Variants in ZNF800 observed in about 807,000 individuals in gnomAD.
ZNF800 encodes the protein zinc finger protein 800.
In ZNF800, 13 loss-of-function variants were observed where a neutral mutation model predicts 59.5. The ratio of observed to expected loss-of-function variants is 0.22; its 90% confidence interval spans 0.14 to 0.35. ZNF800 has a LOEUF of 0.35. Ranked by LOEUF, ZNF800 falls within the 10% of genes least tolerant of loss-of-function variation. The probability of loss-of-function intolerance (pLI) is 1.00; values close to 1 mark genes in which losing one functional copy is unlikely to be tolerated. For synonymous variants in ZNF800, 266 were observed against 265.7 expected (o/e 1.00, Z -0.01); for missense variants, 621 against 783.7 (o/e 0.79, Z 2.48).
chr7:127,366,207 A>T (rs1800504665), downstream of ZNF800, among the ~76,000 whole-genome samples: 1 of 152,110 alleles, frequency 6.6e-6, no homozygotes, highest in East Asian at 1.9e-4. Flanking sequence ...GAATGGAATG[A>T]TGCTAGGCAC....
Position 127,373,719 on chromosome 7 carries a change from A to G in ZNF800, c.1617T>C (p.Thr539=). 6.2e-7 allele frequency: 1 copy of G among 1,614,180 alleles called. No homozygotes were observed. The highest frequency in any genetic ancestry group is 1.1e-5 in the South Asian group (1 of 91,088). Residue 539 remains threonine, a synonymous_variant, in exon 5 of 6, where the codon ACT becomes ACC. Transcript: ENST00000265827. ...AACGAGATGACTTTTTATGAACCAC[A>G]GTTATATGTCGTATCACATCACGTT... ...RRKRDVIRHI[T]VVHKKSSRYL...
At chr7:127,388,275 AAAATCTTTTTTCAAAAT>A (rs1587456753) in intron 2 of ZNF800, among the ~76,000 whole-genome samples, 1 of 152,234 alleles carries the variant, frequency 6.6e-6, no homozygotes, top group East Asian at 1.9e-4. Context: ...CAAAAACCAA[AAAATCTTTTTTCAAAAT>A]CTTAGAGAAA....
chr7:127,374,472 A>G lies in ZNF800; in HGVS notation c.864T>C (p.Ser288=). ...SKNVLVPLSR[S]CPVCCKSFAT... ...CAAATGATTTACAACATACTGGACA[A>G]CTCCTACTTAATGGAACTAGAACAT... The change falls in exon 5 of 6, where the codon AGT becomes AGC. Residue 288 remains serine, a synonymous_variant. Transcript: ENST00000265827. The G allele has an allele frequency of 6.2e-7, 1 of 1,613,838 alleles. No homozygotes were observed. The highest frequency in any genetic ancestry group is 8.5e-7 in the Non-Finnish European group (1 of 1,179,934).
downstream of ZNF800, among the ~76,000 whole-genome samples, chr7:127,367,172 C>G (rs1800527147): frequency 1.3e-5 from 2 of 151,980 alleles, no homozygotes; most frequent in Admixed American, 1.3e-4. Flanking sequence ...TAGTTGAAAT[C>G]TGAATGGTGA....
chr7:127,391,578 T>C lies in ZNF800; in HGVS notation c.-21A>G. ...GGCATTTTCAGTGGACTCGACCTACTTTGCTTTCACTGTAAGAAGCTCTTC... is the reference window on the plus strand; with the variant it reads ...GGCATTTTCAGTGGACTCGACCTACCTTGCTTTCACTGTAAGAAGCTCTTC... On this transcript the variant is annotated 5_prime_UTR_variant, in exon 2 of 6. Transcript: ENST00000265827. 6.2e-7 allele frequency: 1 copy of C among 1,613,290 alleles called. No homozygotes were observed. Among genetic ancestry groups the C allele is most frequent in the Non-Finnish European group, 8.5e-7 (1 of 1,179,176 alleles).
At chr7:127,379,919 G>A (rs1023677276) in intron 3 of ZNF800, among the ~76,000 whole-genome samples, 8 of 139,724 alleles carry the variant, frequency 5.7e-5, no homozygotes, top group South Asian at 4.5e-4. Context: ...TGTGTGTATC[G>A]TTGATCCAAG....
intron 4 of ZNF800, among the ~76,000 whole-genome samples, chr7:127,376,675 T>TA (rs1336055703): frequency 6.6e-6 from 1 of 151,866 alleles, no homozygotes; most frequent in African/African-American, 2.4e-5. Flanking sequence ...ACCTAGAAAA[T>TA]ACTAGAAAGA....
intron 3 of ZNF800, among the ~76,000 whole-genome samples, chr7:127,378,498 G>A (rs1800854469): frequency 6.6e-6 from 1 of 151,978 alleles, no homozygotes; most frequent in Non-Finnish European, 1.5e-5. Context: ...GACTGTCTAG[G>A]TGCAAAGTGT....
downstream of ZNF800, among the ~76,000 whole-genome samples, chr7:127,365,877 A>T (rs912141833): frequency 1.3e-5 from 2 of 152,142 alleles, no homozygotes; most frequent in Non-Finnish European, 2.9e-5. Flanking sequence ...TAAGTGCTAG[A>T]AAGTATTTCA....
chr7:127,382,954 A>T (rs1230964569), intron 3 of ZNF800, among the ~76,000 whole-genome samples: 2 of 152,230 alleles, frequency 1.3e-5, no homozygotes, highest in East Asian at 1.9e-4. Flanking sequence ...CCACAGACAC[A>T]TATTACTTAT....
downstream of ZNF800, among the ~76,000 whole-genome samples, chr7:127,346,371 T>A (rs950909959): frequency 6.6e-6 from 1 of 152,216 alleles, no homozygotes; most frequent in Admixed American, 6.5e-5. Flanking sequence ...TTGGCTGAAC[T>A]GTGTACTTTT....
At chr7:127,391,467 C>G (rs759594769) in intron 2 of ZNF800, 30 bp downstream of exon 2, 1 of 1,612,210 alleles carries the variant, frequency 6.2e-7, no homozygotes, top group Non-Finnish European at 8.5e-7. Context: ...TGATGGAGGG[C>G]AAAGCAACTG....
chr7:127,366,396 C>T (rs902613517), downstream of ZNF800, among the ~76,000 whole-genome samples: 8 of 152,240 alleles, frequency 5.3e-5, no homozygotes, highest in African/African-American at 1.9e-4. Flanking sequence ...TGGAAAACAG[C>T]AGCAACTGAT....
downstream of ZNF800, among the ~76,000 whole-genome samples, chr7:127,344,451 A>G (rs775191137): frequency 8.5e-5 from 13 of 152,124 alleles, no homozygotes; most frequent in East Asian, 2.5e-3. Context: ...TCCCCAAATT[A>G]GTCTATATTG....
chr7:127,391,590 G>GT lies in ZNF800; in HGVS notation c.-34dup. 6.2e-7 allele frequency: 1 copy of GT among 1,604,420 alleles called. No individual in the cohort carries two copies. Among genetic ancestry groups the GT allele is most frequent in the Non-Finnish European group, 8.5e-7 (1 of 1,171,174 alleles). On this transcript the variant is annotated 5_prime_UTR_variant, in exon 2 of 6. The change abolishes the stop of an existing upstream ORF in the 5' untranslated region. Transcript: ENST00000265827. Reference sequence around the variant, plus strand: ...GGACTCGACCTACTTTGCTTTCACTGTAAGAAGCTCTTCATTGCGGCGTGG... The same window carrying GT: ...GGACTCGACCTACTTTGCTTTCACTGTTAAGAAGCTCTTCATTGCGGCGTGG...
At chr7:127,366,612 T>A (rs527361468), downstream of ZNF800, among the ~76,000 whole-genome samples, 3 of 152,272 alleles carry the variant, frequency 2.0e-5, no homozygotes, top group East Asian at 5.8e-4. Flanking sequence ...ACAGTCAAGA[T>A]CACAACTTGC....
In ZNF800 at chr7:127,392,334, C is replaced by T. The variant is rs1447223145; in HGVS notation, c.-333G>A. Reference sequence around the variant, plus strand: ...CCGCGCTGTGTGGCTAGGCGGGAGGCGCGCGGGCGGAGGCAGTTGACAGGA... The same window carrying T: ...CCGCGCTGTGTGGCTAGGCGGGAGGTGCGCGGGCGGAGGCAGTTGACAGGA... On this transcript the variant is annotated 5_prime_UTR_variant, in exon 1 of 6. Transcript: ENST00000265827. The T allele has an allele frequency of 1.6e-5, 6 of 382,924 alleles. No homozygotes were observed. The highest frequency in any genetic ancestry group is 1.0e-4 in the African/African-American group (5 of 47,906). The allele number at this position is 382,924 out of a possible 1,614,324, so 23.7% of individuals were successfully genotyped here. A position where few individuals can be genotyped will look rare whatever the true frequency, so the allele number is the denominator to read the frequency against.
chr7:127,391,655 T>C, intron 1 of ZNF800, 40 bp from the exon 2 acceptor site: 2 of 1,093,518 alleles, frequency 1.8e-6, no homozygotes, highest in Middle Eastern at 2.1e-4. Context: ...GCCCTGAACT[T>C]CCTGGGGGGC....
At chr7:127,352,558 T>A (rs974072216) in intron 1 of ZNF800, among the ~76,000 whole-genome samples, 6 of 152,224 alleles carry the variant, frequency 3.9e-5, no homozygotes, top group Non-Finnish European at 7.4e-5. Flanking sequence ...TGCTGAGAGC[T>A]GATTCAATGC....
Sources: gnomAD v4.1 joint callset for allele counts (sites outside exome capture counted in the v4.1 genomes callset) on GRCh38, gnomAD v4.1.1 for gene constraint, MANE v1.5 for transcripts, NCBI Gene and HGNC (gene_info 2026-07-23, HGNC 2026-07-21) for gene names.